Variants in CAMK2D observed in about 807,000 individuals in gnomAD.
CAMK2D encodes the protein calcium/calmodulin-dependent protein kinase type II subunit delta.
In CAMK2D, 37 loss-of-function variants were observed where a neutral mutation model predicts 84.0. The observed-to-expected ratio is 0.44, with a 90% CI of 0.34 to 0.58. The LOEUF is 0.58. Among genes scored for constraint, CAMK2D ranks in the 20% least tolerant of loss-of-function variants. The pLI is 0.02. For missense variants in CAMK2D, 448 were observed against 652.5 expected (o/e 0.69, Z 3.41); for synonymous variants, 202 against 212.5 (o/e 0.95, Z 0.43).
In CAMK2D at chr4:113,699,272, T is replaced by C. The variant is rs113976898; in HGVS notation, c.161-37500A>G. The stretch of plus-strand genomic sequence containing the variant: ...GGCTACTTTGGTTTTGTTTATCTGA[T>C]AGTTTTTTCTTTTGTTTAATATCTA... On this transcript the variant is annotated intron_variant, in intron 2 of 20. Transcript: ENST00000511664. Among the ~76,000 whole-genome samples, 1,417 of 152,254 alleles carry C rather than the reference T, an allele frequency of 9.3e-3. 27 individuals are homozygous for C. The highest frequency in any genetic ancestry group is 0.032 in the African/African-American group (1,338 of 41,562).
At chr4:113,650,517 C>CAA (rs34938947) in intron 3 of CAMK2D, among the ~76,000 whole-genome samples, 12,403 of 86,706 alleles carry the variant, frequency 0.14, 1,709 homozygotes, top group African/African-American at 0.36. Context: ...AACTCCATCT[C>CAA]AAAAAAAAAA....
Position 113,607,534 on chromosome 4 carries a change from G to A in CAMK2D, c.275+1618C>T, listed in dbSNP as rs546676068. On this transcript the variant is annotated intron_variant, in intron 4 of 20. Coordinates refer to ENST00000511664, the MANE Select transcript of CAMK2D (RefSeq NM_001321571.2). ...CATTGTGATTTGTTCCTGCCCCACC[G>A]TAACCGATCAATTGACCCTGTGACA... is the stretch of plus-strand genomic sequence containing the variant. Among the ~76,000 whole-genome samples, 18 of 152,080 alleles carry A rather than the reference G, an allele frequency of 1.2e-4. No individual in the cohort carries two copies. The South Asian group carries it at 2.3e-3, about 19-fold the overall frequency.
In CAMK2D at chr4:113,523,119, G is replaced by C. The variant is rs577040237; in HGVS notation, c.602-5462C>G. ...ACCAAAACCTGACCTGACTATGGTG[G>C]CACCCTGATCACAGACTTCCAGCTT... is the stretch of plus-strand genomic sequence containing the variant. On this transcript the variant is annotated intron_variant, in intron 8 of 20. Coordinates refer to ENST00000511664, the MANE Select transcript of CAMK2D (RefSeq NM_001321571.2). 6.6e-5 allele frequency among the ~76,000 whole-genome samples: 10 copies of C among 152,298 alleles called. No individual in the cohort carries two copies. In the South Asian group the frequency reaches 1.7e-3, roughly 25 times the overall value.
At chr4:113,599,745 T>TA (rs996740213) in intron 4 of CAMK2D, among the ~76,000 whole-genome samples, 1 of 152,102 alleles carries the variant, frequency 6.6e-6, no homozygotes, top group African/African-American at 2.4e-5. Context: ...ATTCTTAAAA[T>TA]AAAGTAAGTT....
chr4:113,510,046 G>GATTGTATT (rs1395587475), intron 12 of CAMK2D, among the ~76,000 whole-genome samples: 2 of 152,162 alleles, frequency 1.3e-5, no homozygotes, highest in African/African-American at 2.4e-5. Context: ...CTGACTGACA[G>GATTGTATT]ATTGTATTAC....
chr4:113,631,852 G>A (rs2099091067), intron 3 of CAMK2D, among the ~76,000 whole-genome samples: 2 of 152,124 alleles, frequency 1.3e-5, no homozygotes, highest in Non-Finnish European at 2.9e-5. Context: ...TGATGAGCAT[G>A]CTTTACTACT....
At chr4:113,647,259 C>T (rs749422653) in intron 3 of CAMK2D, among the ~76,000 whole-genome samples, 1 of 152,198 alleles carries the variant, frequency 6.6e-6, no homozygotes, top group Non-Finnish European at 1.5e-5. Flanking sequence ...CAGCATCAGA[C>T]TATGCTACCT....
At chr4:113,755,013 T>C in intron 2 of CAMK2D, 1 of 983,994 alleles carries the variant, frequency 1.0e-6, no homozygotes, top group Middle Eastern at 5.2e-4. Flanking sequence ...ACTTAATCCA[T>C]CTACATAGTC....
At chr4:113,699,378 T>G (rs2099411743) in intron 2 of CAMK2D, among the ~76,000 whole-genome samples, 1 of 152,130 alleles carries the variant, frequency 6.6e-6, no homozygotes. Flanking sequence ...CATATTTAAG[T>G]GCTATTGATT....
chr4:113,554,690 A>C (rs1429770182), intron 4 of CAMK2D, among the ~76,000 whole-genome samples: 1 of 152,188 alleles, frequency 6.6e-6, no homozygotes, highest in African/African-American at 2.4e-5. Context: ...TAACTTTAAC[A>C]TATTTTTATA....
At chr4:113,612,260 T>C (rs1310236026) in intron 3 of CAMK2D, among the ~76,000 whole-genome samples, 1 of 152,210 alleles carries the variant, frequency 6.6e-6, no homozygotes, top group African/African-American at 2.4e-5. Context: ...GTAGACATCA[T>C]CTATTTCTCT....
chr4:113,602,342 A>G (rs1044869431), intron 4 of CAMK2D, among the ~76,000 whole-genome samples: 2 of 152,210 alleles, frequency 1.3e-5, no homozygotes, highest in African/African-American at 4.8e-5. Flanking sequence ...GTAACAAAAT[A>G]TGTCACTCCA....
intron 3 of CAMK2D, among the ~76,000 whole-genome samples, chr4:113,640,454 G>A (rs1373889662): frequency 6.6e-6 from 1 of 152,276 alleles, no homozygotes; most frequent in Non-Finnish European, 1.5e-5. Flanking sequence ...GGGCCATATT[G>A]TTTCCTTACG....
At chr4:113,537,483 C>T (rs1401699480) in intron 6 of CAMK2D, 40 bp from the exon 7 acceptor site, 10 of 1,236,866 alleles carry the variant, frequency 8.1e-6, no homozygotes, top group Non-Finnish European at 1.2e-5. Context: ...GAAGTGAGAA[C>T]CTATTTTAAG....
At chr4:113,650,499 A>G (rs192578457) in intron 3 of CAMK2D, among the ~76,000 whole-genome samples, 1 of 149,982 alleles carries the variant, frequency 6.7e-6, no homozygotes, top group East Asian at 2.0e-4. Context: ...CCTGGATGAC[A>G]AGAGTGAAAC....
At chr4:113,713,681 T>G (rs1045860388) in intron 2 of CAMK2D, among the ~76,000 whole-genome samples, 2 of 151,406 alleles carry the variant, frequency 1.3e-5, no homozygotes, top group Non-Finnish European at 1.5e-5. Flanking sequence ...TACTGACAAC[T>G]TCAATCAATT....
intron 3 of CAMK2D, among the ~76,000 whole-genome samples, chr4:113,609,710 T>C (rs1201802092): frequency 6.6e-6 from 1 of 152,136 alleles, no homozygotes; most frequent in African/African-American, 2.4e-5. Flanking sequence ...TTCCCTGTGT[T>C]CTCCCTTTTG....
At chr4:113,477,168 C>T (rs998648828) in intron 16 of CAMK2D, among the ~76,000 whole-genome samples, 1 of 152,160 alleles carries the variant, frequency 6.6e-6, no homozygotes, top group Non-Finnish European at 1.5e-5. Context: ...GGGCTGTACC[C>T]ATGTGAATGC....
intron 2 of CAMK2D, among the ~76,000 whole-genome samples, chr4:113,697,774 G>GA (rs34223582): frequency 0.54 from 81,419 of 151,738 alleles, 22,358 homozygotes; most frequent in African/African-American, 0.62. Context: ...CCCTCAAATA[G>GA]AGTCCTTGGA....
Sources: gnomAD v4.1 joint callset for allele counts (sites outside exome capture counted in the v4.1 genomes callset) on GRCh38, gnomAD v4.1.1 for gene constraint, MANE v1.5 for transcripts, NCBI Gene and HGNC (gene_info 2026-07-23, HGNC 2026-07-21) for gene names.